BAZ2B: variants seen among roughly 807,000 people sequenced by gnomAD.
BAZ2B encodes the protein bromodomain adjacent to zinc finger domain 2B, also known as bromodomain adjacent to zinc finger domain protein 2B.
A neutral mutation model predicts 246.0 loss-of-function variants in BAZ2B; 91 were observed. The observed-to-expected ratio is 0.37, with a 90% CI of 0.31 to 0.44. BAZ2B has a LOEUF of 0.44. BAZ2B is among the 20% of genes least tolerant of loss of function. The probability of loss-of-function intolerance (pLI) is 1.00; values close to 1 mark genes in which losing one functional copy is unlikely to be tolerated. For synonymous variants in BAZ2B, 855 were observed against 860.0 expected, an observed-to-expected ratio of 0.99 and a Z score of 0.10; for missense variants, 2,332 against 2,533.7, an observed-to-expected ratio of 0.92 and a Z score of 1.71.
intron 27 of BAZ2B, among the ~76,000 whole-genome samples, chr2:159,357,355 C>G (rs1166436925): frequency 6.6e-6 from 1 of 151,398 alleles, no homozygotes; most frequent in African/African-American, 2.4e-5. Flanking sequence ...CCGAATCAAG[C>G]AGAAGAAAGG....
At chr2:159,322,769 A>C (rs1476991572) in intron 36 of BAZ2B, among the ~76,000 whole-genome samples, 2 of 152,142 alleles carry the variant, frequency 1.3e-5, no homozygotes, top group Admixed American at 1.3e-4. Flanking sequence ...TAGTTTAAAA[A>C]TTTGAAATAT....
rs201615994 is a variant in BAZ2B, at chr2:159,615,028, G to GA, written c.-46+1213dup. Among the ~76,000 whole-genome samples the GA allele has an allele frequency of 8.3e-3, 1,265 of 151,746 alleles. 15 individuals carry two copies. Among genetic ancestry groups the GA allele is most frequent in the South Asian group, 0.038 (183 of 4,794 alleles). On this transcript the variant is annotated intron_variant, in intron 1 of 36. Transcript: ENST00000392783. ...GAAACGCTTGTTGTTTAGAGGGCAG[G>GA]AAAAAAAATGGAGGATATTGTAATA...
intron 1 of BAZ2B, among the ~76,000 whole-genome samples, chr2:159,593,237 C>T (rs1012007053): frequency 6.6e-6 from 1 of 152,272 alleles, no homozygotes; most frequent in Middle Eastern, 3.4e-3. Context: ...CATTATTTTC[C>T]TCAGTGATCA....
intron 23 of BAZ2B, among the ~76,000 whole-genome samples, chr2:159,383,978 A>G (rs1465404556): frequency 1.3e-5 from 2 of 152,062 alleles, no homozygotes; most frequent in Admixed American, 1.3e-4. Context: ...ACAATATTCC[A>G]AGTTTTGTTG....
chr2:159,494,794 C>T (rs1434944144), intron 2 of BAZ2B, among the ~76,000 whole-genome samples: 2 of 152,202 alleles, frequency 1.3e-5, no homozygotes, highest in African/African-American at 4.8e-5. Context: ...TGATGTTCAA[C>T]CTTTCAGAAA....
At chr2:159,369,742 C>T (rs939028443) in intron 27 of BAZ2B, among the ~76,000 whole-genome samples, 4 of 152,110 alleles carry the variant, frequency 2.6e-5, no homozygotes, top group Admixed American at 2.6e-4. Context: ...TAAAAAGCCA[C>T]TCACCTAGGC....
the BAZ2B span, among the ~76,000 whole-genome samples, chr2:159,704,993 G>GTGTAGTTACCACTTCTTATAA: frequency 6.6e-6 from 1 of 151,484 alleles, no homozygotes; most frequent in African/African-American, 2.4e-5. Context: ...ACCACGCCCA[G>GTGTAGTTACCACTTCTTATAA]CCTCGTCTGG....
At chr2:159,680,344 T>C in the BAZ2B span, among the ~76,000 whole-genome samples, 1 of 152,356 alleles carries the variant, frequency 6.6e-6, no homozygotes, top group African/African-American at 2.4e-5. Context: ...TCTGTGCTTT[T>C]ATGTCTTCAT....
chr2:159,613,567 T>C (rs1183446364), intron 1 of BAZ2B, among the ~76,000 whole-genome samples: 4 of 152,098 alleles, frequency 2.6e-5, no homozygotes, highest in Admixed American at 6.5e-5. Flanking sequence ...ATCTGAACCA[T>C]ACGAGTGTCT....
At chr2:159,473,410 T>C (rs1293736332) in intron 3 of BAZ2B, among the ~76,000 whole-genome samples, 1 of 152,236 alleles carries the variant, frequency 6.6e-6, no homozygotes, top group African/African-American at 2.4e-5. Context: ...GGATCAGTGG[T>C]GATATCCACT....
intron 2 of BAZ2B, among the ~76,000 whole-genome samples, chr2:159,499,534 C>T (rs191703200): frequency 4.6e-4 from 70 of 152,278 alleles, no homozygotes; most frequent in African/African-American, 1.5e-3. Context: ...TATGGGTATA[C>T]ACCCAGTTAT....
chr2:159,520,982 C>A (rs1240720892), intron 2 of BAZ2B, among the ~76,000 whole-genome samples: 1 of 152,046 alleles, frequency 6.6e-6, no homozygotes, highest in Non-Finnish European at 1.5e-5. Flanking sequence ...TTCTGAACTT[C>A]CTATTTTATA....
In BAZ2B at chr2:159,412,463, T is replaced by G; in HGVS notation, c.2549A>C (p.Asn850Thr). 1 of 1,614,146 alleles carries G rather than the reference T, an allele frequency of 6.2e-7. No homozygotes were observed. Among genetic ancestry groups the G allele is most frequent in the Non-Finnish European group, 8.5e-7 (1 of 1,179,998 alleles). ...CTCTCTTGCTCGTTGTCTATCTGGA[T>G]TTGGTGGTCTTCCTCTACGACCTTC... The part of the protein sequence containing the change: ...AMEGRRGRPP[N>T]PDRQRAREES... The change falls in exon 14 of 37, where the codon AAT (asparagine) becomes ACT (threonine). Residue 850 changes from asparagine to threonine, a missense_variant. Physicochemically the swap from Asn to Thr is moderately conservative, Grantham distance 65. Transcript: ENST00000392783.
At chr2:159,608,995 T>C (rs1231145116) in intron 1 of BAZ2B, among the ~76,000 whole-genome samples, 2 of 152,208 alleles carry the variant, frequency 1.3e-5, no homozygotes, top group Admixed American at 6.5e-5. Context: ...AAACGCATCA[T>C]TGTAAATCAC....
the BAZ2B span, among the ~76,000 whole-genome samples, chr2:159,623,072 AAGGGAAGGGAG>A: frequency 1.4e-5 from 2 of 144,014 alleles, no homozygotes; most frequent in African/African-American, 5.1e-5. Context: ...AAGGGAAGAG[AAGGGAAGGGAG>A]AGGGGAGGGA....
rs561344530 is a variant in BAZ2B at position 159,319,459 on chromosome 2, C to T, written c.*806G>A. The T allele has an allele frequency of 6.6e-6, 1 of 152,604 alleles. No homozygotes were observed. Among genetic ancestry groups the T allele is most frequent in the Non-Finnish European group, 1.5e-5 (1 of 68,024 alleles). The allele number at this position is 152,604 out of a possible 1,614,324, so 9.5% of individuals were successfully genotyped here. ...TGTACAGACTGTATAGCTATCATTACCTTCAGACGAAAATAAAATGCTACA... is the reference window on the plus strand; with the variant it reads ...TGTACAGACTGTATAGCTATCATTATCTTCAGACGAAAATAAAATGCTACA... On this transcript the variant is annotated 3_prime_UTR_variant, in exon 37 of 37. Transcript: ENST00000392783. This position sits in a 1 kb window ranked among gnomAD's most constrained non-coding sequence, Gnocchi z 4.0.
chr2:159,324,863 T>C lies in BAZ2B; in HGVS notation c.6301A>G (p.Ile2101Val), dbSNP rs1346264355. 1.3e-6 allele frequency: 2 copies of C among 1,553,926 alleles called. No homozygotes were observed. Among genetic ancestry groups the C allele is most frequent in the Non-Finnish European group, 1.7e-6 (2 of 1,157,790 alleles). The stretch of plus-strand genomic sequence containing the variant: ...GTGGAAAAATCCATAGGCTTCTTAA[T>C]AACTTTCTTATAACCAGGAACAAGT... Reference protein sequence around the residue: ...LKLVPGYKKVIKKPMDFSTIR... With the variant: ...LKLVPGYKKVVKKPMDFSTIR... The change falls in exon 36 of 37, where the codon ATT (isoleucine) becomes GTT (valine). Residue 2101 changes from isoleucine (I) to valine (V), a missense_variant. Around this residue, in one of 9 missense-constraint regions of BAZ2B, gnomAD observed 210 missense variants for 232.5 expected, o/e 0.90. Transcript: ENST00000392783.
chr2:159,630,330 C>A, the BAZ2B span, among the ~76,000 whole-genome samples: 24 of 151,760 alleles, frequency 1.6e-4, no homozygotes, highest in African/African-American at 5.3e-4. Context: ...CTCAAAAAAA[C>A]CAAAAAAACA....
chr2:159,567,792 T>A (rs1249961101), intron 1 of BAZ2B, among the ~76,000 whole-genome samples: 3 of 152,042 alleles, frequency 2.0e-5, no homozygotes, highest in Admixed American at 2.0e-4. Context: ...ACCAACATGG[T>A]GAAACCCCAT....
Sources: gnomAD v4.1 joint callset for allele counts (sites outside exome capture counted in the v4.1 genomes callset) on GRCh38, gnomAD v4.1.1 for gene constraint, gnomAD v4.1.1 regional missense constraint, Gnocchi (gnomAD v3.1) non-coding constraint, MANE v1.5 for transcripts, NCBI Gene and HGNC (gene_info 2026-07-23, HGNC 2026-07-21) for gene names.